Variants in TAFA4 observed in about 807,000 individuals in gnomAD.
The protein encoded by TAFA4 is chemokine-like protein TAFA-4.
In TAFA4, 20 loss-of-function variants were observed where a neutral mutation model predicts 21.1. The observed-to-expected ratio is 0.95, with a 90% CI of 0.67 to 1.38. The LOEUF is 1.38. TAFA4 is among the 40% of genes most tolerant of loss of function. The pLI, the probability that TAFA4 is intolerant of heterozygous loss-of-function variation, is 0.00. For synonymous variants in TAFA4, 71 were observed against 67.4 expected (o/e 1.05, Z -0.26); for missense variants, 211 against 180.9 (o/e 1.17, Z -0.95).
At chr3:68,760,270 T>C (rs976213653) in intron 3 of TAFA4, among the ~76,000 whole-genome samples, 1 of 152,216 alleles carries the variant, frequency 6.6e-6, no homozygotes, top group Non-Finnish European at 1.5e-5. Context: ...ATTTTTTTCT[T>C]ATTAAATATA....
chr3:68,788,526 G>A (rs779932106), intron 3 of TAFA4, among the ~76,000 whole-genome samples: 10 of 152,148 alleles, frequency 6.6e-5, no homozygotes, highest in Non-Finnish European at 7.4e-5. Flanking sequence ...TGGTGTCATA[G>A]CCAAAAAATC....
chr3:68,740,174 A>ATAAAGT (rs1215091632), intron 4 of TAFA4, among the ~76,000 whole-genome samples: 2 of 152,212 alleles, frequency 1.3e-5, no homozygotes, highest in African/African-American at 4.8e-5. Flanking sequence ...TGTTAAGAGG[A>ATAAAGT]TAAAGTTAAT....
At chr3:68,876,547 C>T (rs993771763) in intron 3 of TAFA4, among the ~76,000 whole-genome samples, 2 of 152,136 alleles carry the variant, frequency 1.3e-5, no homozygotes, top group African/African-American at 4.8e-5. Context: ...AGAACTAAAA[C>T]AGCGTATGCT....
Position 68,931,600 on chromosome 3 carries a change from T to C in TAFA4, c.-123+640A>G, listed in dbSNP as rs964059113. On this transcript the variant is annotated intron_variant, in intron 1 of 5. Coordinates refer to ENST00000295569, the MANE Select transcript of TAFA4 (RefSeq NM_182522.5). ...AAAAAGAGCGAAAGAAATGTAGAGATGCCACCTTGGTGGGCAAATCTGAGA... is the reference window on the plus strand; with the variant it reads ...AAAAAGAGCGAAAGAAATGTAGAGACGCCACCTTGGTGGGCAAATCTGAGA... Among the ~76,000 whole-genome samples the C allele has an allele frequency of 2.3e-4, 35 of 152,182 alleles. 1 individual carries two copies. The highest frequency in any genetic ancestry group is 2.5e-4 in the Non-Finnish European group (17 of 68,030).
intron 3 of TAFA4, among the ~76,000 whole-genome samples, chr3:68,825,301 T>C (rs973714896): frequency 5.9e-5 from 9 of 152,220 alleles, no homozygotes; most frequent in Admixed American, 2.6e-4. Context: ...GCAAAGGACA[T>C]GATCTCAGTC....
At chr3:68,834,793 T>C (rs1195531127) in intron 3 of TAFA4, among the ~76,000 whole-genome samples, 2 of 152,124 alleles carry the variant, frequency 1.3e-5, no homozygotes, top group Non-Finnish European at 2.9e-5. Context: ...TTTCACAACA[T>C]TTTCACAGTC....
At chr3:68,755,145 C>T (rs150931600) in intron 3 of TAFA4, among the ~76,000 whole-genome samples, 1 of 152,304 alleles carries the variant, frequency 6.6e-6, no homozygotes, top group African/African-American at 2.4e-5. Context: ...TTTCTTGCTA[C>T]TCTCCCAACA....
chr3:68,785,943 A>G (rs1703251712), intron 3 of TAFA4, among the ~76,000 whole-genome samples: 1 of 152,238 alleles, frequency 6.6e-6, no homozygotes, highest in East Asian at 1.9e-4. Context: ...ATTTGCAAAC[A>G]TACACAATGA....
intron 3 of TAFA4, among the ~76,000 whole-genome samples, chr3:68,792,699 G>C (rs1177039543): frequency 6.6e-6 from 1 of 152,076 alleles, no homozygotes; most frequent in African/African-American, 2.4e-5. Context: ...TTGGTCTGCG[G>C]TTGCACATGT....
chr3:68,738,292 A>ATG (rs1253845600), intron 5 of TAFA4, among the ~76,000 whole-genome samples: 1 of 152,184 alleles, frequency 6.6e-6, no homozygotes, highest in Non-Finnish European at 1.5e-5. Flanking sequence ...TGGTTTGGCC[A>ATG]TGTTACACAT....
chr3:68,844,665 A>C (rs1704744352), intron 3 of TAFA4, among the ~76,000 whole-genome samples: 2 of 152,124 alleles, frequency 1.3e-5, no homozygotes, highest in Non-Finnish European at 2.9e-5. Context: ...AGTGGTATAA[A>C]TTTCCCTCTG....
chr3:68,857,722 G>C (rs1278506335), intron 3 of TAFA4, among the ~76,000 whole-genome samples: 3 of 151,626 alleles, frequency 2.0e-5, no homozygotes, highest in Admixed American at 6.6e-5. Flanking sequence ...GTTCCAAAGT[G>C]TTCAAGACTG....
At chr3:68,830,975 T>C (rs1704372294) in intron 3 of TAFA4, among the ~76,000 whole-genome samples, 1 of 152,184 alleles carries the variant, frequency 6.6e-6, no homozygotes. Context: ...TCTTTGTTGG[T>C]TTATAGTCTG....
At chr3:68,880,916 G>A (rs1451438962) in intron 2 of TAFA4, 71 bp from the exon 3 acceptor site, 1 of 1,240,400 alleles carries the variant, frequency 8.1e-7, no homozygotes, top group African/African-American at 1.5e-5. Context: ...CACCATTCTA[G>A]GAAGGCGGGA....
chr3:68,738,853 A>C (rs1044864883), intron 5 of TAFA4, among the ~76,000 whole-genome samples: 1 of 152,210 alleles, frequency 6.6e-6, no homozygotes, highest in Non-Finnish European at 1.5e-5. Context: ...AGCCCTGCCT[A>C]AAATAATGAA....
intron 3 of TAFA4, among the ~76,000 whole-genome samples, chr3:68,860,948 C>G (rs2089332410): frequency 6.6e-6 from 1 of 151,830 alleles, no homozygotes; most frequent in Non-Finnish European, 1.5e-5. Flanking sequence ...AAGAAGAAAT[C>G]TCACACACAG....
At chr3:68,833,300 G>C (rs1704444478) in intron 3 of TAFA4, among the ~76,000 whole-genome samples, 1 of 152,072 alleles carries the variant, frequency 6.6e-6, no homozygotes, top group Non-Finnish European at 1.5e-5. Flanking sequence ...ATAGACTGGA[G>C]CTGTTCCTAT....
At chr3:68,833,394 A>G (rs534707948) in intron 3 of TAFA4, among the ~76,000 whole-genome samples, 3 of 152,208 alleles carry the variant, frequency 2.0e-5, no homozygotes, top group Non-Finnish European at 4.4e-5. Context: ...ATGCAGATTC[A>G]GTGTACGTAC....
At chr3:68,750,680 T>C (rs1006650834) in intron 4 of TAFA4, among the ~76,000 whole-genome samples, 2 of 152,244 alleles carry the variant, frequency 1.3e-5, no homozygotes, top group African/African-American at 2.4e-5. Flanking sequence ...AAGATAAAGA[T>C]ACTAATAGTC....
Sources: gnomAD v4.1 joint callset for allele counts (sites outside exome capture counted in the v4.1 genomes callset) on GRCh38, gnomAD v4.1.1 for gene constraint, MANE v1.5 for transcripts, NCBI Gene and HGNC (gene_info 2026-07-23, HGNC 2026-07-21) for gene names.